Variants in ACYP2 observed in about 807,000 individuals in gnomAD.
ACYP2 encodes acylphosphatase-2.
In ACYP2, 12 loss-of-function variants were observed where a neutral mutation model predicts 11.2. The observed-to-expected ratio is 1.08, with a 90% CI of 0.69 to 1.74. The LOEUF is 1.74. ACYP2 is among the 40% of genes most tolerant of loss of function. ACYP2 has a pLI of 0.00. For missense variants in ACYP2, 134 were observed against 101.9 expected, an observed-to-expected ratio of 1.31 and a Z score of -1.35; for synonymous variants, 43 against 32.2, an observed-to-expected ratio of 1.33 and a Z score of -1.13.
intron 6 of ACYP2, among the ~76,000 whole-genome samples, chr2:54,207,167 ATGT>A (rs1307305147): frequency 2.0e-3 from 146 of 73,554 alleles, no homozygotes; most frequent in Middle Eastern, 6.3e-3. Context: ...TATATACAAC[ATGT>A]ATATGTGTGT....
intron 4 of ACYP2, 190 bp from the exon 1 acceptor site, chr2:54,115,425 G>C: frequency 1.4e-6 from 1 of 719,210 alleles, no homozygotes; most frequent in African/African-American, 1.9e-5. Flanking sequence ...GGAGCGCTGT[G>C]GAGACAGCAT....
At chr2:54,071,711 A>G (rs918491437) in intron 4 of ACYP2, among the ~76,000 whole-genome samples, 2 of 152,096 alleles carry the variant, frequency 1.3e-5, no homozygotes. Context: ...TCCAATGAAC[A>G]ATTTAAAAAT....
intron 4 of ACYP2, among the ~76,000 whole-genome samples, chr2:54,131,789 A>G (rs1172164233): frequency 6.6e-6 from 1 of 152,122 alleles, no homozygotes; most frequent in African/African-American, 2.4e-5. Flanking sequence ...CCTTTCTTTA[A>G]GGGGGAGTCA....
intron 6 of ACYP2, among the ~76,000 whole-genome samples, chr2:54,275,573 T>C (rs1023692719): frequency 2.6e-5 from 4 of 152,188 alleles, no homozygotes; most frequent in African/African-American, 9.6e-5. Flanking sequence ...GGGGAAATCT[T>C]CTAGTGTTTT....
intron 6 of ACYP2, among the ~76,000 whole-genome samples, chr2:54,222,161 C>G (rs1004645867): frequency 6.6e-6 from 1 of 152,150 alleles, no homozygotes; most frequent in Non-Finnish European, 1.5e-5. Context: ...TAGGAAAGGG[C>G]TTGAGTTTTA....
chr2:54,145,831 G>A (rs576971480), intron 6 of ACYP2, among the ~76,000 whole-genome samples: 4 of 152,112 alleles, frequency 2.6e-5, no homozygotes, highest in South Asian at 2.1e-4. Flanking sequence ...ACAGATCTAT[G>A]TGCAAATGTC....
chr2:54,098,095 T>TG (rs1242905640), intron 4 of ACYP2, among the ~76,000 whole-genome samples: 3 of 151,828 alleles, frequency 2.0e-5, no homozygotes, highest in Non-Finnish European at 4.4e-5. Context: ...CCCCAGTAGC[T>TG]GGTATTATAG....
chr2:53,976,298 C>G lies in ACYP2; in HGVS notation c.62+2488C>G, dbSNP rs913404979. ...TCACAGCTCACTGCAGCCTCCACCTCCTGGGCTCAAGTGATTCTCCCACTT... is the reference window on the plus strand; with the variant it reads ...TCACAGCTCACTGCAGCCTCCACCTGCTGGGCTCAAGTGATTCTCCCACTT... On this transcript the variant is annotated intron_variant, in intron 2 of 6. Coordinates refer to ENST00000607452, the MANE Select transcript of ACYP2 (RefSeq NM_001320586.2). Among the ~76,000 whole-genome samples the G allele has an allele frequency of 2.6e-5, 4 of 152,166 alleles. No individual in the cohort carries two copies. In the East Asian group the frequency reaches 7.7e-4, roughly 29 times the overall value.
intron 6 of ACYP2, among the ~76,000 whole-genome samples, chr2:54,188,049 C>A (rs1374154636): frequency 6.6e-6 from 1 of 152,208 alleles, no homozygotes; most frequent in African/African-American, 2.4e-5. Context: ...TAGCCCTGAT[C>A]TTGGACTTCG....
At chr2:54,246,845 T>C (rs764775828) in intron 6 of ACYP2, among the ~76,000 whole-genome samples, 25 of 152,208 alleles carry the variant, frequency 1.6e-4, no homozygotes, top group Non-Finnish European at 3.5e-4. Context: ...CAAGGTATAT[T>C]TTATCAAGTT....
At chr2:54,113,220 C>T (rs1477824768) in intron 4 of ACYP2, among the ~76,000 whole-genome samples, 1 of 150,896 alleles carries the variant, frequency 6.6e-6, no homozygotes, top group Non-Finnish European at 1.5e-5. Flanking sequence ...CAAGAGTCTG[C>T]ATGAGTTCAG....
chr2:54,017,896 C>T (rs1673787134), intron 2 of ACYP2, among the ~76,000 whole-genome samples: 1 of 151,876 alleles, frequency 6.6e-6, no homozygotes. Context: ...AACAGGGTCT[C>T]ACTTTGTTGT....
chr2:53,980,232 A>C (rs1489335633), intron 2 of ACYP2, among the ~76,000 whole-genome samples: 1 of 152,098 alleles, frequency 6.6e-6, no homozygotes, highest in Admixed American at 6.5e-5. Context: ...ATGTGCCTGT[A>C]GTCCCAGCTA....
chr2:54,069,186 C>T (rs1274947842), intron 4 of ACYP2, among the ~76,000 whole-genome samples: 6 of 152,122 alleles, frequency 3.9e-5, no homozygotes, highest in Admixed American at 3.3e-4. Context: ...CTGCCCAGGC[C>T]TCCCGAAGTG....
chr2:54,298,980 T>C (rs201561724), intron 6 of ACYP2, among the ~76,000 whole-genome samples: 2 of 152,154 alleles, frequency 1.3e-5, no homozygotes. Flanking sequence ...CTTGAACTCC[T>C]GACCTCAACT....
intron 6 of ACYP2, among the ~76,000 whole-genome samples, chr2:54,252,879 G>C (rs1180424676): frequency 6.6e-6 from 1 of 151,774 alleles, no homozygotes; most frequent in East Asian, 1.9e-4. Flanking sequence ...ACTCCAGCCT[G>C]GGCGACTGAG....
In ACYP2 at chr2:54,274,950, G is replaced by T. The variant is rs1014931351; in HGVS notation, c.405-29738G>T. Among the ~76,000 whole-genome samples, 5 of 152,144 alleles carry T rather than the reference G, an allele frequency of 3.3e-5. No individual in the cohort carries two copies. The East Asian group carries it at 9.6e-4, about 29-fold the overall frequency. On this transcript the variant is annotated intron_variant, in intron 6 of 6. Coordinates refer to ENST00000607452, the MANE Select transcript of ACYP2 (RefSeq NM_001320586.2). ...ATATCATTTAACTAAACCAAAATATGCAGTTCAACCTCACATAGCTCAAAA... is the reference window on the plus strand; with the variant it reads ...ATATCATTTAACTAAACCAAAATATTCAGTTCAACCTCACATAGCTCAAAA...
At position 54,243,727 on chromosome 2, in the gene ACYP2, G is replaced by A. The variant is rs1027137713; in HGVS notation, c.405-60961G>A. Among the ~76,000 whole-genome samples the A allele has an allele frequency of 2.0e-5, 3 of 151,894 alleles. No individual in the cohort carries two copies. The South Asian group carries it at 6.2e-4, about 32-fold the overall frequency. The stretch of plus-strand genomic sequence containing the variant: ...TGGGATTACAGATGCATGCCACCAC[G>A]GCTGGTTAATTTTTGTATCTTTTTT... On this transcript the variant is annotated intron_variant, in intron 6 of 6. Coordinates refer to ENST00000607452, the MANE Select transcript of ACYP2 (RefSeq NM_001320586.2).
chr2:54,076,308 CG>C (rs1427273890), intron 4 of ACYP2, among the ~76,000 whole-genome samples: 1 of 152,060 alleles, frequency 6.6e-6, no homozygotes, highest in Non-Finnish European at 1.5e-5. Flanking sequence ...AAAATTTATA[CG>C]GAGAATATAT....
Sources: allele counts gnomAD v4.1 joint callset (sites outside exome capture counted in the v4.1 genomes callset), GRCh38; gene constraint gnomAD v4.1.1; transcripts MANE v1.5; gene names NCBI Gene and HGNC (gene_info 2026-07-23, HGNC 2026-07-21).